EIF4G3: variants seen among roughly 807,000 people sequenced by gnomAD.
EIF4G3 encodes eukaryotic translation initiation factor 4 gamma 3, also known as eIF-4-gamma 3.
A neutral mutation model predicts 186.4 loss-of-function variants in EIF4G3; 34 were observed. The observed-to-expected ratio is 0.18, with a 90% CI of 0.14 to 0.24. The LOEUF is 0.24. EIF4G3 is among the 10% of genes least tolerant of loss of function. The pLI is 1.00. For missense variants in EIF4G3, 1,536 were observed against 1,948.5 expected (o/e 0.79, Z 3.99); for synonymous variants, 673 against 679.5 (o/e 0.99, Z 0.15).
intron 2 of EIF4G3, among the ~76,000 whole-genome samples, chr1:21,130,039 T>A (rs948955674): frequency 6.6e-6 from 1 of 151,898 alleles, no homozygotes; most frequent in African/African-American, 2.4e-5. Context: ...GTAAATTAGC[T>A]ACCATTTTAA....
chr1:21,004,113 T>C (rs576994239), intron 4 of EIF4G3, among the ~76,000 whole-genome samples: 2 of 152,172 alleles, frequency 1.3e-5, no homozygotes, highest in African/African-American at 4.8e-5. Context: ...GAGGAAGACA[T>C]CTCAGAGCCA....
Position 21,075,530 on chromosome 1 carries a change from T to C in EIF4G3, c.-196+13608A>G, listed in dbSNP as rs1234669586. On this transcript the variant is annotated intron_variant, in intron 3 of 36. Transcript: ENST00000602326. ...GTTGCAGCAAGCCGAGATTATGCCA[T>C]TGCACTTCAGCCTGGGCAACAGAGT... 3.2e-5 allele frequency among the ~76,000 whole-genome samples: 4 copies of C among 126,614 alleles called. No homozygotes were observed. The South Asian group carries it at 7.4e-4, about 24-fold the overall frequency. 83.1% of individuals were successfully genotyped at this position (126,614 alleles called of 152,430 possible).
intron 15 of EIF4G3, among the ~76,000 whole-genome samples, chr1:20,902,939 C>G (rs990307443): frequency 1.3e-5 from 2 of 152,224 alleles, no homozygotes. Flanking sequence ...CTGCGCCCAG[C>G]CTTGTCTTAA....
intron 18 of EIF4G3, among the ~76,000 whole-genome samples, chr1:20,888,461 T>C (rs921406099): frequency 6.6e-5 from 10 of 152,192 alleles, no homozygotes; most frequent in African/African-American, 1.9e-4. Context: ...TACAAATTCT[T>C]AATATGTTCA....
intron 7 of EIF4G3, among the ~76,000 whole-genome samples, chr1:20,986,020 C>T (rs2079391663): frequency 6.6e-6 from 1 of 152,178 alleles, no homozygotes; most frequent in Non-Finnish European, 1.5e-5. Context: ...TATGTGAACG[C>T]TGCCATTACT....
chr1:21,118,283 A>C (rs1430221813), intron 2 of EIF4G3, among the ~76,000 whole-genome samples: 6 of 152,178 alleles, frequency 3.9e-5, no homozygotes, highest in Non-Finnish European at 8.8e-5. Flanking sequence ...GAAAATAGTA[A>C]ACCCTCAGGG....
chr1:20,817,009 C>G (rs1175289492), intron 34 of EIF4G3, among the ~76,000 whole-genome samples: 1 of 144,616 alleles, frequency 6.9e-6, no homozygotes, highest in African/African-American at 2.6e-5. Context: ...AAGGGCGGTG[C>G]AAGATGTGCT....
In EIF4G3 at chr1:20,906,223, G is replaced by C. The variant is rs887583360; in HGVS notation, c.1664-1252C>G. 3.9e-5 allele frequency among the ~76,000 whole-genome samples: 6 copies of C among 151,988 alleles called. No homozygotes were observed. In the East Asian group the frequency reaches 1.2e-3, roughly 29 times the overall value. On this transcript the variant is annotated intron_variant, in intron 14 of 36. Transcript: ENST00000602326. ...ATTTTTTCAAAGGATGGAAACCATG[G>C]GTGGGTTTAAATTTGCTATTGTCTC...
At chr1:20,812,861 G>T (rs1174578116) in intron 35 of EIF4G3, among the ~76,000 whole-genome samples, 1 of 152,106 alleles carries the variant, frequency 6.6e-6, no homozygotes, top group Admixed American at 6.5e-5. Context: ...GGAGGAGGCG[G>T]CCCTGAATGT....
intron 2 of EIF4G3, among the ~76,000 whole-genome samples, chr1:21,156,217 A>T (rs2097658974): frequency 6.6e-6 from 1 of 152,110 alleles, no homozygotes; most frequent in Non-Finnish European, 1.5e-5. Flanking sequence ...CCAATTACAT[A>T]AACAAAACTC....
chr1:20,872,625 T>A (rs2079527082), intron 20 of EIF4G3, among the ~76,000 whole-genome samples: 1 of 150,860 alleles, frequency 6.6e-6, no homozygotes, highest in Admixed American at 6.6e-5. Flanking sequence ...TCTCAGAAGC[T>A]CCACTTAAAT....
chr1:21,118,066 G>A (rs2096860122), intron 2 of EIF4G3, among the ~76,000 whole-genome samples: 1 of 152,148 alleles, frequency 6.6e-6, no homozygotes, highest in Non-Finnish European at 1.5e-5. Context: ...TTGGATTCCA[G>A]CAAAGATAAT....
At chr1:20,829,388 C>G in intron 30 of EIF4G3, 116 bp from the exon 31 acceptor site, 6 of 1,156,526 alleles carry the variant, frequency 5.2e-6, no homozygotes, top group Non-Finnish European at 7.4e-6. Context: ...ATGTTAGGTA[C>G]AGTCTAGCCA....
chr1:20,900,082 T>C lies in EIF4G3; in HGVS notation c.1753-139A>G, dbSNP rs568261476. 10 of 901,462 alleles carry C rather than the reference T, an allele frequency of 1.1e-5. No homozygotes were observed. The African/African-American group carries it at 1.2e-4, about 11-fold the overall frequency. The allele number at this position is 901,462 out of a possible 1,614,324, so 55.8% of individuals were successfully genotyped here. On this transcript the variant is annotated intron_variant, in intron 15 of 36. Coordinates refer to ENST00000602326, the MANE Select transcript of EIF4G3 (RefSeq NM_001391906.1). The stretch of plus-strand genomic sequence containing the variant: ...AATGTCTGTGTTCAGCATGTGGTAT[T>C]AGAATGCTGAGTTTAAAAAAAATAC...
At chr1:20,836,475 G>A (rs1428322339) in intron 30 of EIF4G3, among the ~76,000 whole-genome samples, 1 of 152,060 alleles carries the variant, frequency 6.6e-6, no homozygotes, top group Non-Finnish European at 1.5e-5. Flanking sequence ...TTGAACTCCT[G>A]GCCTTAAGCC....
intron 5 of EIF4G3, among the ~76,000 whole-genome samples, chr1:21,001,735 A>G (rs1040014833): frequency 2.0e-5 from 3 of 152,198 alleles, no homozygotes; most frequent in Non-Finnish European, 2.9e-5. Context: ...GGCAACAGGG[A>G]AAAGGAAAAT....
intron 2 of EIF4G3, among the ~76,000 whole-genome samples, chr1:21,159,123 T>C (rs1279044489): frequency 2.0e-5 from 3 of 152,178 alleles, no homozygotes; most frequent in Non-Finnish European, 4.4e-5. Context: ...ACTCAGATGT[T>C]GGCAAAGCTT....
intron 2 of EIF4G3, among the ~76,000 whole-genome samples, chr1:21,168,701 C>T (rs1558285535): frequency 6.6e-6 from 1 of 152,092 alleles, no homozygotes; most frequent in Non-Finnish European, 1.5e-5. Context: ...ACTGGGATTA[C>T]AGGCATGAAC....
chr1:20,827,420 C>T (rs1184743609), intron 32 of EIF4G3, among the ~76,000 whole-genome samples, 197 bp downstream of exon 32: 1 of 152,040 alleles, frequency 6.6e-6, no homozygotes, highest in Non-Finnish European at 1.5e-5. Flanking sequence ...CAAATCTAGT[C>T]GAGATTTGAT....
Sources: gnomAD v4.1 joint callset for allele counts (sites outside exome capture counted in the v4.1 genomes callset) on GRCh38, gnomAD v4.1.1 for gene constraint, MANE v1.5 for transcripts, NCBI Gene and HGNC (gene_info 2026-07-23, HGNC 2026-07-21) for gene names.